TSNARE1: variants seen among roughly 807,000 people sequenced by gnomAD.
TSNARE1 encodes t-SNARE domain-containing protein 1.
In TSNARE1, 49 loss-of-function variants were observed where a neutral mutation model predicts 62.0. The observed-to-expected ratio is 0.79, with a 90% confidence interval of 0.63 to 1.00. TSNARE1 has a LOEUF of 1.00. TSNARE1 is among the 50% of genes least tolerant of loss of function. The probability of loss-of-function intolerance (pLI) is 0.00; values close to 1 mark genes in which losing one functional copy is unlikely to be tolerated. For synonymous variants in TSNARE1, 328 were observed against 294.4 expected, an observed-to-expected ratio of 1.11 and a Z score of -1.17; for missense variants, 755 against 700.1, an observed-to-expected ratio of 1.08 and a Z score of -0.88.
chr8:142,276,506 T>C (rs1820523169), intron 11 of TSNARE1: 1 of 985,312 alleles, frequency 1.0e-6, no homozygotes, highest in South Asian at 4.7e-5. Flanking sequence ...CTTCTGTTGC[T>C]GAGAGGTGAA....
chr8:142,388,550 CTTTTTTTTTTT>C, intron 1 of TSNARE1, among the ~76,000 whole-genome samples: 1 of 67,410 alleles, frequency 1.5e-5, no homozygotes, highest in Middle Eastern at 0.018. Flanking sequence ...AAAACAAAAT[CTTTTTTTTTTT>C]TTTTTTTTTT....
chr8:142,296,664 G>C (rs1039174374), intron 10 of TSNARE1, among the ~76,000 whole-genome samples: 1 of 152,058 alleles, frequency 6.6e-6, no homozygotes, highest in African/African-American at 2.4e-5. Flanking sequence ...CGGACAGGGG[G>C]CTAGGGCAGT....
At chr8:142,362,010 T>C (rs572438275) in intron 1 of TSNARE1, among the ~76,000 whole-genome samples, 2 of 152,346 alleles carry the variant, frequency 1.3e-5, no homozygotes, top group South Asian at 4.1e-4. Flanking sequence ...GAATGATGGA[T>C]GAGGCGCCCC....
intron 12 of TSNARE1, chr8:142,247,496 C>T (rs963474897): frequency 2.0e-5 from 3 of 152,208 alleles, no homozygotes; most frequent in Non-Finnish European, 2.9e-5. Context: ...AAGTGAATAA[C>T]TTGTTTGATT....
At chr8:142,279,951 G>A (rs987978731) in intron 11 of TSNARE1, 10 of 1,109,664 alleles carry the variant, frequency 9.0e-6, no homozygotes, top group Non-Finnish European at 1.1e-5. Context: ...TGAGGAGGAG[G>A]CCGGGGGCGG....
At chr8:142,354,018 C>T (rs1361302516) in intron 2 of TSNARE1, among the ~76,000 whole-genome samples, 1 of 152,164 alleles carries the variant, frequency 6.6e-6, no homozygotes, top group Non-Finnish European at 1.5e-5. Context: ...CCAGGCCTGC[C>T]CACGTGAAGG....
intron 12 of TSNARE1, chr8:142,247,813 C>T (rs1425557492): frequency 6.6e-6 from 1 of 152,492 alleles, no homozygotes; most frequent in Non-Finnish European, 1.5e-5. Context: ...AAGCGATCCT[C>T]CTGCCTCAGC....
At chr8:142,266,416 T>C (rs1819134423) in intron 12 of TSNARE1, among the ~76,000 whole-genome samples, 1 of 152,236 alleles carries the variant, frequency 6.6e-6, no homozygotes, top group South Asian at 2.1e-4. Context: ...GAAGGCCTGT[T>C]GGTGGTAAGC....
At chr8:142,239,938 C>T (rs1004233474) in intron 12 of TSNARE1, among the ~76,000 whole-genome samples, 1 of 152,042 alleles carries the variant, frequency 6.6e-6, no homozygotes, top group Non-Finnish European at 1.5e-5. Context: ...AAAACTCTAG[C>T]AATAAAAAAT....
At chr8:142,299,879 G>C (rs1450593259) in intron 10 of TSNARE1, among the ~76,000 whole-genome samples, 5 of 152,164 alleles carry the variant, frequency 3.3e-5, no homozygotes, top group African/African-American at 1.2e-4. Flanking sequence ...TTGGCAGCAG[G>C]TATTATACAT....
At position 142,350,101 on chromosome 8, in the gene TSNARE1, G is replaced by A. The variant is rs546742605; in HGVS notation, c.89-4209C>T. 1.0e-4 allele frequency among the ~76,000 whole-genome samples: 12 copies of A among 118,936 alleles called. No individual in the cohort carries two copies. The South Asian group carries it at 1.6e-3, about 16-fold the overall frequency. The allele number at this position is 118,936 out of a possible 152,430, so 78.0% of individuals were successfully genotyped here. On this transcript the variant is annotated intron_variant, in intron 2 of 13. Transcript: ENST00000524325. ...AGGCAGGGCAGGCAGGGCAGGCAGGGCAGGCAGGGCAGGCAAGGCTGGGAC... is the reference window on the plus strand; with the variant it reads ...AGGCAGGGCAGGCAGGGCAGGCAGGACAGGCAGGGCAGGCAAGGCTGGGAC...
intron 13 of TSNARE1, among the ~76,000 whole-genome samples, chr8:142,213,878 G>T (rs912181549): frequency 9.9e-5 from 15 of 152,090 alleles, no homozygotes; most frequent in African/African-American, 3.6e-4. Flanking sequence ...CCCCATCAGA[G>T]CCCAGCCCCC....
intron 4 of TSNARE1, among the ~76,000 whole-genome samples, chr8:142,334,070 G>C (rs1026760675): frequency 2.0e-5 from 3 of 152,244 alleles, no homozygotes; most frequent in Non-Finnish European, 4.4e-5. Flanking sequence ...ATGACAACAG[G>C]GAGTGTAAAT....
chr8:142,321,382 T>C (rs1165181265), intron 6 of TSNARE1, among the ~76,000 whole-genome samples: 2 of 152,002 alleles, frequency 1.3e-5, no homozygotes, highest in Admixed American at 1.3e-4. Context: ...ATTCTTATAT[T>C]AGAAAAGAGA....
At chr8:142,278,655 C>T in intron 11 of TSNARE1, 1 of 985,448 alleles carries the variant, frequency 1.0e-6, no homozygotes, top group Middle Eastern at 5.2e-4. Context: ...GAGCCAGTGG[C>T]AGCTGCGGGC....
At chr8:142,214,328 G>A (rs572255725) in intron 13 of TSNARE1, among the ~76,000 whole-genome samples, 47 of 152,304 alleles carry the variant, frequency 3.1e-4, no homozygotes, top group African/African-American at 9.4e-4. Flanking sequence ...CATGGGGCTC[G>A]GCCTTGGCAC....
intron 1 of TSNARE1, among the ~76,000 whole-genome samples, chr8:142,372,060 G>A (rs1188760079): frequency 3.3e-5 from 5 of 152,186 alleles, no homozygotes; most frequent in Non-Finnish European, 5.9e-5. Context: ...CCAAGGAGAC[G>A]AAGGCTGTGA....
chr8:142,270,156 C>A, intron 12 of TSNARE1: 1 of 985,460 alleles, frequency 1.0e-6, no homozygotes. Flanking sequence ...CGACGGCTGC[C>A]TAGGCTGGGG....
At chr8:142,283,714 T>C (rs1028683957) in intron 11 of TSNARE1, among the ~76,000 whole-genome samples, 18 of 150,192 alleles carry the variant, frequency 1.2e-4, no homozygotes, top group Non-Finnish European at 1.9e-4. Context: ...GGGGCCAGTG[T>C]CTGTCAATGA....
Sources: gnomAD v4.1 joint callset for allele counts (sites outside exome capture counted in the v4.1 genomes callset) on GRCh38, gnomAD v4.1.1 for gene constraint, MANE v1.5 for transcripts, NCBI Gene and HGNC (gene_info 2026-07-23, HGNC 2026-07-21) for gene names.